OTUD7A: variants seen among roughly 807,000 people sequenced by gnomAD.
OTUD7A encodes the protein OTU domain-containing protein 7A.
A neutral mutation model predicts 65.7 loss-of-function variants in OTUD7A; 12 were observed. The observed-to-expected ratio is 0.18, with a 90% CI of 0.12 to 0.30. The LOEUF is 0.30. Among genes scored for constraint, OTUD7A ranks in the 10% least tolerant of loss-of-function variants. The pLI is 1.00. For missense variants in OTUD7A, 1,148 were observed against 1,304.8 expected, an observed-to-expected ratio of 0.88 and a Z score of 1.85; for synonymous variants, 641 against 586.3, an observed-to-expected ratio of 1.09 and a Z score of -1.35.
At position 31,870,596 on chromosome 15, in the gene OTUD7A, C is replaced by A. The variant is rs1356712879; in HGVS notation, c.-189G>T. 1 of 148,084 alleles carries A rather than the reference C, an allele frequency of 6.8e-6. No individual in the cohort carries two copies. The highest frequency in any genetic ancestry group is 1.5e-5 in the Non-Finnish European group (1 of 66,632). 9.2% of individuals were successfully genotyped at this position (148,084 alleles called of 1,614,324 possible). ...ATTTTCTCTCGCTTTAAAGGAAAACCAGATCAGCTGTTTTGCTCCCGCTCG... is the reference window on the plus strand; with the variant it reads ...ATTTTCTCTCGCTTTAAAGGAAAACAAGATCAGCTGTTTTGCTCCCGCTCG... On this transcript the variant is annotated 5_prime_UTR_variant, in exon 1 of 13. Transcript: ENST00000307050.
At chr15:31,870,194 G>A (rs1218246183) in intron 1 of OTUD7A, among the ~76,000 whole-genome samples, 2 of 149,648 alleles carry the variant, frequency 1.3e-5, no homozygotes, top group Non-Finnish European at 3.0e-5. Flanking sequence ...GGAGGCAGCA[G>A]CCCCGACCCA....
At chr15:31,768,253 C>T (rs1895140904) in intron 1 of OTUD7A, 2 of 811,406 alleles carry the variant, frequency 2.5e-6, no homozygotes, top group Admixed American at 3.6e-5. Context: ...ACACTCAAGA[C>T]CCAGCAGCCC....
intron 10 of OTUD7A, among the ~76,000 whole-genome samples, chr15:31,493,157 AAAAAG>A (rs199819447): frequency 1.3e-3 from 186 of 143,808 alleles, no homozygotes; most frequent in Non-Finnish European, 2.2e-3. Flanking sequence ...AGGAAAAAAA[AAAAAG>A]AAAAAGAATC....
At chr15:31,692,935 C>A (rs1892990496) in intron 1 of OTUD7A, among the ~76,000 whole-genome samples, 1 of 151,008 alleles carries the variant, frequency 6.6e-6, no homozygotes, top group African/African-American at 2.5e-5. Context: ...TGCACTGGGA[C>A]AGACACTTTT....
At chr15:31,504,867 GT>G (rs1443673125) in intron 8 of OTUD7A, among the ~76,000 whole-genome samples, 1 of 149,398 alleles carries the variant, frequency 6.7e-6, no homozygotes, top group African/African-American at 2.5e-5. Context: ...TACTACCCAT[GT>G]TTTTTCTTTT....
At chr15:31,658,034 C>T (rs1273278949) in intron 1 of OTUD7A, among the ~76,000 whole-genome samples, 3 of 152,136 alleles carry the variant, frequency 2.0e-5, no homozygotes, top group Admixed American at 2.0e-4. Flanking sequence ...AGGGGCAGTG[C>T]CGTGTGGGGA....
Position 31,846,003 on chromosome 15 carries a change from G to T in OTUD7A, c.-100+24504C>A, listed in dbSNP as rs1417718000. Among the ~76,000 whole-genome samples, 5 of 152,170 alleles carry T rather than the reference G, an allele frequency of 3.3e-5. No homozygotes were observed. In the East Asian group the frequency reaches 9.6e-4, roughly 29 times the overall value. ...ATGCCAGGGACTCAGCTGTTCCAGGGGCTGCCTCCACCTGCTCCTCCCCTG... is the reference window on the plus strand; with the variant it reads ...ATGCCAGGGACTCAGCTGTTCCAGGTGCTGCCTCCACCTGCTCCTCCCCTG... On this transcript the variant is annotated intron_variant, in intron 1 of 12. Transcript: ENST00000307050.
intron 4 of OTUD7A, among the ~76,000 whole-genome samples, chr15:31,563,038 G>A (rs1205715991): frequency 1.3e-5 from 2 of 151,876 alleles, no homozygotes; most frequent in African/African-American, 4.9e-5. Context: ...CAATTAATAG[G>A]ATTATGCTGG....
intron 1 of OTUD7A, among the ~76,000 whole-genome samples, chr15:31,842,077 C>T (rs1897195792): frequency 6.6e-6 from 1 of 152,212 alleles, no homozygotes; most frequent in Admixed American, 6.5e-5. Context: ...TGAGCTACAA[C>T]TACACACAAG....
intron 1 of OTUD7A, among the ~76,000 whole-genome samples, chr15:31,695,953 C>T (rs1893070578): frequency 6.6e-6 from 1 of 152,084 alleles, no homozygotes; most frequent in Non-Finnish European, 1.5e-5. Flanking sequence ...CTCACACACA[C>T]CTGAGGAAGA....
At position 31,480,834 on chromosome 15, in the gene OTUD7A, T is replaced by C. The variant is rs2041106784; in HGVS notation, c.*2460A>G. ...GTAATGTATCAGCCTGGAGCAGGTG[T>C]CTACAGGCGTCTGGCGCCTCGTTAC... On this transcript the variant is annotated 3_prime_UTR_variant, in exon 13 of 13. Transcript: ENST00000307050. 6.6e-6 allele frequency: 1 copy of C among 152,254 alleles called. No individual in the cohort carries two copies. Among genetic ancestry groups the C allele is most frequent in the Admixed American group, 6.5e-5 (1 of 15,290 alleles). The allele number at this position is 152,254 out of a possible 1,614,324, so 9.4% of individuals were successfully genotyped here.
At chr15:31,840,286 A>AAATG (rs1897151337) in intron 1 of OTUD7A, among the ~76,000 whole-genome samples, 1 of 151,652 alleles carries the variant, frequency 6.6e-6, no homozygotes, top group Non-Finnish European at 1.5e-5. Flanking sequence ...ATAAATAAAT[A>AAATG]AATTAGCTGG....
intron 1 of OTUD7A, among the ~76,000 whole-genome samples, chr15:31,762,418 T>C (rs1012761046): frequency 2.0e-5 from 3 of 152,208 alleles, no homozygotes; most frequent in African/African-American, 7.2e-5. Flanking sequence ...GCCCTGGCTA[T>C]CTGATCAAAG....
chr15:31,495,331 C>T (rs1282996027), intron 10 of OTUD7A, among the ~76,000 whole-genome samples: 15 of 152,022 alleles, frequency 9.9e-5, no homozygotes, highest in Non-Finnish European at 1.8e-4. Flanking sequence ...CAGCGTTACT[C>T]AGCTCTCTGG....
At chr15:31,536,239 G>T (rs1225035812) in intron 5 of OTUD7A, among the ~76,000 whole-genome samples, 1 of 152,204 alleles carries the variant, frequency 6.6e-6, no homozygotes, top group Non-Finnish European at 1.5e-5. Flanking sequence ...CTATGGAAAG[G>T]ATAAATAGCC....
chr15:31,749,896 C>T (rs1418043164), intron 1 of OTUD7A, among the ~76,000 whole-genome samples: 1 of 152,034 alleles, frequency 6.6e-6, no homozygotes, highest in Non-Finnish European at 1.5e-5. Context: ...GTGCAAAAAT[C>T]AGTAGCATTT....
At chr15:31,790,715 C>T (rs1895791152) in intron 1 of OTUD7A, among the ~76,000 whole-genome samples, 1 of 152,144 alleles carries the variant, frequency 6.6e-6, no homozygotes, top group Admixed American at 6.5e-5. Context: ...AAAATGCAGC[C>T]ATCTCTTGTG....
chr15:31,661,547 G>T (rs988190454), intron 1 of OTUD7A, among the ~76,000 whole-genome samples: 13 of 152,206 alleles, frequency 8.5e-5, no homozygotes, highest in African/African-American at 3.1e-4. Flanking sequence ...CCATGCCTCA[G>T]GCATGACAAT....
chr15:31,795,313 T>C (rs1254354156), intron 1 of OTUD7A, among the ~76,000 whole-genome samples: 1 of 152,124 alleles, frequency 6.6e-6, no homozygotes, highest in South Asian at 2.1e-4. Context: ...TTCGGGAAGG[T>C]TGAACAGAGT....
Sources: allele counts gnomAD v4.1 joint callset (sites outside exome capture counted in the v4.1 genomes callset), GRCh38; gene constraint gnomAD v4.1.1; transcripts MANE v1.5; gene names NCBI Gene and HGNC (gene_info 2026-07-23, HGNC 2026-07-21).